Variants in LRBA observed in about 807,000 individuals in gnomAD.
LRBA encodes LPS responsive beige-like anchor protein.
A neutral mutation model predicts 330.0 loss-of-function variants in LRBA; 176 were observed. The observed-to-expected ratio is 0.53, with a 90% CI of 0.47 to 0.60. The LOEUF is 0.60. Among genes scored for constraint, LRBA ranks in the 20% least tolerant of loss-of-function variants. The pLI is 0.00. For synonymous variants in LRBA, 1,230 were observed against 1,193.0 expected (o/e 1.03, Z -0.64); for missense variants, 3,259 against 3,444.8 (o/e 0.95, Z 1.35).
chr4:150,378,521 T>G (rs1741702027), intron 47 of LRBA, among the ~76,000 whole-genome samples: 1 of 152,208 alleles, frequency 6.6e-6, no homozygotes, highest in Admixed American at 6.5e-5. Flanking sequence ...TCCAGGTCAA[T>G]TTTCTTAAAA....
At position 150,543,704 on chromosome 4, in the gene LRBA, C is replaced by T. The variant is rs1561327715; in HGVS notation, c.6330+44344G>A. ...ATTGCTTCCCGAGAAAAGGTTTCAA[C>T]AGCAGCAACACTAGAAATAACCAAT... is the stretch of plus-strand genomic sequence containing the variant. On this transcript the variant is annotated intron_variant, in intron 40 of 56. Coordinates refer to ENST00000651943, the MANE Select transcript of LRBA (RefSeq NM_001364905.1). Among the ~76,000 whole-genome samples the T allele has an allele frequency of 1.3e-5, 2 of 152,082 alleles. 1 individual carries two copies. The highest frequency in any genetic ancestry group is 3.9e-4 in the East Asian group (2 of 5,194).
At chr4:150,668,995 C>T (rs1278418072) in intron 37 of LRBA, among the ~76,000 whole-genome samples, 1 of 152,004 alleles carries the variant, frequency 6.6e-6, no homozygotes, top group African/African-American at 2.4e-5. Context: ...GTCTTAAATC[C>T]CAGTGGTACA....
intron 35 of LRBA, among the ~76,000 whole-genome samples, chr4:150,749,305 C>T (rs1244229929): frequency 3.9e-5 from 6 of 152,114 alleles, no homozygotes; most frequent in African/African-American, 1.4e-4. Flanking sequence ...TAAACTGGCT[C>T]ACACCTGTAA....
chr4:150,481,384 C>T (rs1026613101), intron 42 of LRBA, among the ~76,000 whole-genome samples: 5 of 151,972 alleles, frequency 3.3e-5, no homozygotes, highest in Non-Finnish European at 7.4e-5. Flanking sequence ...CACATGGGAG[C>T]ACTATTTGTG....
intron 46 of LRBA, among the ~76,000 whole-genome samples, chr4:150,417,341 C>A (rs893718867): frequency 6.6e-6 from 1 of 151,910 alleles, no homozygotes; most frequent in African/African-American, 2.4e-5. Context: ...AGTGTGTATT[C>A]AATTAATTTC....
intron 5 of LRBA, among the ~76,000 whole-genome samples, chr4:150,918,521 G>A (rs1194021169): frequency 6.6e-6 from 1 of 152,216 alleles, no homozygotes; most frequent in Non-Finnish European, 1.5e-5. Flanking sequence ...GGCTGAGGCA[G>A]GTGGATCACT....
At chr4:150,848,306 C>A (rs565163183) in intron 26 of LRBA, among the ~76,000 whole-genome samples, 1 of 152,220 alleles carries the variant, frequency 6.6e-6, no homozygotes, top group Admixed American at 6.6e-5. Context: ...TGAGCCACCA[C>A]CCCAGCCTAG....
intron 47 of LRBA, among the ~76,000 whole-genome samples, chr4:150,359,551 T>C (rs1738372643): frequency 6.6e-6 from 1 of 152,194 alleles, no homozygotes; most frequent in Non-Finnish European, 1.5e-5. Context: ...GAGAAATTGT[T>C]TACATGGTAG....
intron 5 of LRBA, among the ~76,000 whole-genome samples, chr4:150,917,929 CA>C (rs553174519): frequency 3.0e-4 from 43 of 142,758 alleles, no homozygotes; most frequent in African/African-American, 2.1e-4. Context: ...AAATCTGTCT[CA>C]AAAAAAAAAA....
intron 36 of LRBA, among the ~76,000 whole-genome samples, chr4:150,705,357 G>A (rs1225137502): frequency 6.6e-6 from 1 of 152,004 alleles, no homozygotes; most frequent in Non-Finnish European, 1.5e-5. Context: ...TGTGAAACTG[G>A]AAATGAGGTC....
At chr4:150,555,539 A>C (rs1767188980) in intron 40 of LRBA, among the ~76,000 whole-genome samples, 1 of 152,098 alleles carries the variant, frequency 6.6e-6, no homozygotes. Context: ...TCACAAGGTC[A>C]AGAGATCGAG....
At chr4:150,832,031 A>G (rs961758586) in intron 28 of LRBA, 55 bp from the exon 29 acceptor site, 3 of 1,061,540 alleles carry the variant, frequency 2.8e-6, no homozygotes, top group Non-Finnish European at 3.9e-6. Context: ...ACATCATTAT[A>G]TTTTACATCA....
intron 34 of LRBA, among the ~76,000 whole-genome samples, chr4:150,786,608 C>T (rs917713804): frequency 2.0e-5 from 3 of 152,094 alleles, no homozygotes; most frequent in Non-Finnish European, 4.4e-5. Context: ...ACTCAAGGGT[C>T]CTGTAGCCCT....
At chr4:150,572,502 T>C (rs1460326409) in intron 40 of LRBA, among the ~76,000 whole-genome samples, 1 of 152,172 alleles carries the variant, frequency 6.6e-6, no homozygotes, top group African/African-American at 2.4e-5. Flanking sequence ...TTATAAATGA[T>C]TGGCTCATTT....
chr4:150,729,454 C>A (rs892554864), intron 36 of LRBA, among the ~76,000 whole-genome samples: 25 of 152,046 alleles, frequency 1.6e-4, no homozygotes, highest in African/African-American at 6.0e-4. Context: ...GGTGAAAGAT[C>A]TCTATAATAA....
chr4:150,596,071 A>C (rs1773453063), intron 38 of LRBA, among the ~76,000 whole-genome samples: 1 of 152,000 alleles, frequency 6.6e-6, no homozygotes, highest in Admixed American at 6.6e-5. Context: ...TGCAAAGTTA[A>C]AGAAATCTCC....
At chr4:150,272,007 C>T (rs1168868547) in intron 56 of LRBA, among the ~76,000 whole-genome samples, 1 of 152,198 alleles carries the variant, frequency 6.6e-6, no homozygotes, top group African/African-American at 2.4e-5. Context: ...CATTTGAGCT[C>T]TGCTAATGGT....
rs146345988 is a variant in LRBA, at chr4:150,790,648, A to G, written c.5580+7433T>C. On this transcript the variant is annotated intron_variant, in intron 34 of 56. Coordinates refer to ENST00000651943, the MANE Select transcript of LRBA (RefSeq NM_001364905.1). ...TTAAATATTTTAAAATAGTTCATGC[A>G]TCTAAGTTTTTCATGACCAATTTAT... Among the ~76,000 whole-genome samples, 1,334 of 152,320 alleles carry G rather than the reference A, an allele frequency of 8.8e-3. 7 individuals carry two copies. Among genetic ancestry groups the G allele is most frequent in the Non-Finnish European group, 0.015 (1,030 of 68,030 alleles).
chr4:150,554,034 C>T (rs1441767051), intron 40 of LRBA, among the ~76,000 whole-genome samples: 1 of 152,114 alleles, frequency 6.6e-6, no homozygotes, highest in African/African-American at 2.4e-5. Context: ...TAGTGATAAA[C>T]CTTGCCAAAA....
Sources: allele counts gnomAD v4.1 joint callset (sites outside exome capture counted in the v4.1 genomes callset), GRCh38; gene constraint gnomAD v4.1.1; transcripts MANE v1.5; gene names NCBI Gene and HGNC (gene_info 2026-07-23, HGNC 2026-07-21).